The following FRS2 variants were observed in gnomAD, a reference collection of about 807,000 sequenced individuals.
FRS2 encodes fibroblast growth factor receptor substrate 2.
In FRS2, 8 loss-of-function variants were observed where a neutral mutation model predicts 43.9. The observed-to-expected ratio is 0.18, with a 90% CI of 0.11 to 0.33. The LOEUF (loss-of-function observed/expected upper bound fraction) is 0.33, where lower values mean the gene tolerates loss of function less well. FRS2 is among the 10% of genes least tolerant of loss of function. The pLI, the probability that FRS2 is intolerant of heterozygous loss-of-function variation, is 1.00. For missense variants in FRS2, 534 were observed against 627.6 expected, an observed-to-expected ratio of 0.85 and a Z score of 1.59; for synonymous variants, 219 against 220.3, an observed-to-expected ratio of 0.99 and a Z score of 0.05.
At chr12:69,572,052 T>G in intron 7 of FRS2, 66 bp from the exon 8 acceptor site, 2 of 1,237,662 alleles carry the variant, frequency 1.6e-6, no homozygotes, top group Non-Finnish European at 2.3e-6. Context: ...ACAGATTCGA[T>G]TCTTACTCAT....
rs549877100 is a variant in FRS2, at chr12:69,571,300, G to A, written c.278G>A (p.Arg93His). 8.7e-6 allele frequency: 14 copies of A among 1,607,492 alleles called. No individual in the cohort carries two copies. The highest frequency in any genetic ancestry group is 4.0e-5 in the African/African-American group (3 of 74,668). Residue 93 changes from arginine to histidine, a missense_variant, in exon 7 of 9, where the codon CGT (arginine) becomes CAT (histidine). By Grantham distance (29) the Arg-to-His change is conservative. This residue lies in a region of FRS2 where 12 missense variants were observed against 42.9 expected (regional missense o/e 0.28). Transcript: ENST00000549921. Reference protein sequence around the residue: ...GQGIFAFKCARAEELFNMLQE... With the variant: ...GQGIFAFKCAHAEELFNMLQE... ...GGAATCTTTGCCTTTAAGTGTGCCC[G>A]TGCAGAAGAATTATTTAACATGTTG...
chr12:69,553,769 G>C (rs1201092013), intron 3 of FRS2, among the ~76,000 whole-genome samples: 1 of 152,184 alleles, frequency 6.6e-6, no homozygotes, highest in African/African-American at 2.4e-5. Context: ...GGAGGTGTTA[G>C]GAAAGAAGTA....
At chr12:69,510,611 C>G (rs1275972488) in intron 1 of FRS2, among the ~76,000 whole-genome samples, 1 of 152,062 alleles carries the variant, frequency 6.6e-6, no homozygotes, top group Non-Finnish European at 1.5e-5. Context: ...TTTGCTTTTG[C>G]TTGTTACTTG....
chr12:69,563,885 A>G (rs559742594), intron 4 of FRS2, among the ~76,000 whole-genome samples: 4 of 152,016 alleles, frequency 2.6e-5, no homozygotes, highest in African/African-American at 4.8e-5. Flanking sequence ...AAACCTCTCA[A>G]TCTGGGCCCT....
In FRS2 at chr12:69,572,471, GGAAC is replaced by G. The variant is rs543571968; in HGVS notation, c.576+191_576+194del. ...GCTCAAATATATGCGGGTATTCAGG[GGAAC>G]TTACCATTACAGTAGCTTGTGGGTT... On this transcript the variant is annotated intron_variant, in intron 8 of 8. Coordinates refer to ENST00000549921, the MANE Select transcript of FRS2 (RefSeq NM_001278356.2). Among the ~76,000 whole-genome samples the G allele has an allele frequency of 3.8e-3, 579 of 152,248 alleles. 4 individuals carry two copies. Among genetic ancestry groups the G allele is most frequent in the African/African-American group, 0.013 (553 of 41,528 alleles).
At chr12:69,563,605 C>G (rs1386000348) in intron 4 of FRS2, among the ~76,000 whole-genome samples, 1 of 152,166 alleles carries the variant, frequency 6.6e-6, no homozygotes, top group East Asian at 1.9e-4. Flanking sequence ...CTGCTGAGCA[C>G]TGCTAGCAAA....
intron 1 of FRS2, among the ~76,000 whole-genome samples, chr12:69,502,572 A>G (rs1458036961): frequency 6.6e-6 from 1 of 152,046 alleles, no homozygotes; most frequent in African/African-American, 2.4e-5. Context: ...TCCAGCAAAT[A>G]TTTATTGCAT....
chr12:69,496,508 A>G (rs959078366), intron 1 of FRS2, among the ~76,000 whole-genome samples: 17 of 152,200 alleles, frequency 1.1e-4, no homozygotes, highest in Non-Finnish European at 2.4e-4. Flanking sequence ...GAACGATAAA[A>G]TAGGTATATC....
chr12:69,499,378 A>G (rs1248003047), intron 1 of FRS2, among the ~76,000 whole-genome samples: 1 of 152,114 alleles, frequency 6.6e-6, no homozygotes. Context: ...TTTTTTCTTG[A>G]TGATAAAAAT....
At chr12:69,475,886 A>G (rs1019747546) in intron 1 of FRS2, among the ~76,000 whole-genome samples, 3 of 152,186 alleles carry the variant, frequency 2.0e-5, no homozygotes, top group South Asian at 4.2e-4. Context: ...ATCTATTGAT[A>G]TGTTTTTCTA....
chr12:69,542,640 A>G (rs987737182), intron 3 of FRS2, among the ~76,000 whole-genome samples: 8 of 152,224 alleles, frequency 5.3e-5, no homozygotes, highest in South Asian at 2.1e-4. Context: ...CCTTCCAACC[A>G]TATGTAACCA....
In FRS2 at chr12:69,571,224, GT is replaced by G. The variant is rs988321226; in HGVS notation, c.254-44del. The G allele has an allele frequency of 7.1e-6, 9 of 1,267,596 alleles. No homozygotes were observed. In the East Asian group the frequency reaches 7.2e-5, roughly 10 times the overall value. 78.5% of individuals were successfully genotyped at this position (1,267,596 alleles called of 1,614,324 possible). ...CTGCTGTTTGTCAAGTGTTCCTATA[GT>G]TTTTTTTAAAGGTATGTTAACTATT... On this transcript the variant is annotated intron_variant, in intron 6 of 8. Coordinates refer to ENST00000549921, the MANE Select transcript of FRS2 (RefSeq NM_001278356.2).
intron 3 of FRS2, among the ~76,000 whole-genome samples, chr12:69,545,775 AAAACAAAAAC>A (rs1878341179): frequency 7.2e-6 from 1 of 139,150 alleles, no homozygotes. Context: ...AAAAAAAAAA[AAAACAAAAAC>A]AAAAACCCAG....
In FRS2 at chr12:69,571,429, C is replaced by T. The variant is rs745630857; in HGVS notation, c.407C>T (p.Pro136Leu). ...GAAGTCCCTAGAACACCTCGAACAC[C>T]TACAAGTAAGTACCCCTTTTCCCTT... ...ELEVPRTPRT[P>L]TTPGFAAQNL... The change falls in exon 7 of 9, where the codon CCT (proline) becomes CTT (leucine). Residue 136 changes from proline to leucine, a missense_variant. Around this residue, in one of 3 missense-constraint regions of FRS2, gnomAD observed 446 missense variants for 494.2 expected, o/e 0.90. Transcript: ENST00000549921. 6.2e-7 allele frequency: 1 copy of T among 1,610,552 alleles called. No homozygotes were observed. The highest frequency in any genetic ancestry group is 2.2e-5 in the East Asian group (1 of 44,814).
intron 1 of FRS2, among the ~76,000 whole-genome samples, chr12:69,485,135 A>T (rs746412414): frequency 4.2e-3 from 342 of 80,838 alleles, no homozygotes; most frequent in Non-Finnish European, 7.8e-3. Context: ...ACACACACAC[A>T]CTCTCACCCC....
At chr12:69,524,540 G>T (rs1592987953) in intron 1 of FRS2, among the ~76,000 whole-genome samples, 1 of 152,124 alleles carries the variant, frequency 6.6e-6, no homozygotes, top group African/African-American at 2.4e-5. Flanking sequence ...GCATGCAGGT[G>T]TGGCCAGGGT....
At chr12:69,549,033 AAAAC>A (rs987109917) in intron 3 of FRS2, among the ~76,000 whole-genome samples, 1 of 152,236 alleles carries the variant, frequency 6.6e-6, no homozygotes, top group African/African-American at 2.4e-5. Context: ...GCCCTACCTT[AAAAC>A]AAACAAATAC....
chr12:69,509,872 C>T (rs1874299878), intron 1 of FRS2, among the ~76,000 whole-genome samples: 1 of 152,148 alleles, frequency 6.6e-6, no homozygotes, highest in Non-Finnish European at 1.5e-5. Context: ...TTTACATCCA[C>T]CTTTCCCCTC....
intron 1 of FRS2, among the ~76,000 whole-genome samples, chr12:69,509,153 A>T (rs1364784570): frequency 1.3e-5 from 2 of 151,830 alleles, no homozygotes; most frequent in Non-Finnish European, 3.0e-5. Flanking sequence ...TCCTGAGCAG[A>T]ATTTCACATA....
Sources: gnomAD v4.1 joint callset for allele counts (sites outside exome capture counted in the v4.1 genomes callset) on GRCh38, gnomAD v4.1.1 for gene constraint, gnomAD v4.1.1 regional missense constraint, MANE v1.5 for transcripts, NCBI Gene and HGNC (gene_info 2026-07-23, HGNC 2026-07-21) for gene names.